PARN: variants seen among roughly 807,000 people sequenced by gnomAD.
PARN encodes the protein poly(A)-specific ribonuclease, also known as poly(A)-specific ribonuclease PARN.
In PARN, 71 loss-of-function variants were observed where a neutral mutation model predicts 102.8. The ratio of observed to expected loss-of-function variants is 0.69; its 90% CI spans 0.57 to 0.84. PARN has a LOEUF of 0.84. Ranked by LOEUF, PARN falls within the 40% of genes least tolerant of loss-of-function variation. The pLI is 0.00. For synonymous variants in PARN, 261 were observed against 252.9 expected, an observed-to-expected ratio of 1.03 and a Z score of -0.30; for missense variants, 782 against 760.9, an observed-to-expected ratio of 1.03 and a Z score of -0.33.
chr16:14,444,734 T>C (rs1437199903), intron 23 of PARN, among the ~76,000 whole-genome samples: 1 of 152,204 alleles, frequency 6.6e-6, no homozygotes, highest in East Asian at 1.9e-4. Flanking sequence ...TTAACATTTG[T>C]TGAGCACACG....
intron 11 of PARN, 65 bp from the exon 12 acceptor site, chr16:14,600,025 ACTACCCC>A: frequency 1.1e-6 from 1 of 903,140 alleles, no homozygotes; most frequent in Non-Finnish European, 1.6e-6. Flanking sequence ...GAATTAAAAA[ACTACCCC>A]AAAAAAAAGA....
chr16:14,481,434 A>G (rs1963374938), intron 22 of PARN, among the ~76,000 whole-genome samples: 1 of 152,232 alleles, frequency 6.6e-6, no homozygotes, highest in Non-Finnish European at 1.5e-5. Flanking sequence ...AGTGGTAAAA[A>G]TTTAAAAATG....
intron 21 of PARN, among the ~76,000 whole-genome samples, chr16:14,506,716 T>C (rs1346835738): frequency 6.6e-6 from 1 of 152,304 alleles, no homozygotes; most frequent in South Asian, 2.1e-4. Context: ...TGAAGCTGAA[T>C]GCAGTGGCAC....
chr16:14,464,366 T>C (rs1252697167), intron 22 of PARN, among the ~76,000 whole-genome samples: 1 of 152,020 alleles, frequency 6.6e-6, no homozygotes. Context: ...CGAGAAATAA[T>C]GCAAGTGAGA....
intron 18 of PARN, chr16:14,558,251 G>C (rs1343337868): frequency 9.2e-5 from 14 of 152,062 alleles, no homozygotes; most frequent in Admixed American, 3.3e-4. Flanking sequence ...TGGCCAACAC[G>C]GTGAAACCCT....
chr16:14,482,595 G>A lies in PARN; in HGVS notation c.1670+43C>T, dbSNP rs547045799. On this transcript the variant is annotated intron_variant, in intron 22 of 23. Transcript: ENST00000437198. ...ATGAGAAGCAACAAGAAAAGCCATTGCTAGAACTCTGGCCTTTTAAATTAA... is the reference window on the plus strand; with the variant it reads ...ATGAGAAGCAACAAGAAAAGCCATTACTAGAACTCTGGCCTTTTAAATTAA... 1.1e-4 allele frequency: 157 copies of A among 1,456,704 alleles called. 1 individual carries two copies. The highest frequency in any genetic ancestry group is 5.5e-5 in the Non-Finnish European group (59 of 1,071,916). The allele number at this position is 1,456,704 out of a possible 1,614,324, so 90.2% of individuals were successfully genotyped here. A position where few individuals can be genotyped will look rare whatever the true frequency, so the allele number is the denominator to read the frequency against.
intron 11 of PARN, 99 bp from the exon 12 acceptor site, chr16:14,600,059 CAA>C: frequency 1.6e-6 from 1 of 637,234 alleles, no homozygotes; most frequent in East Asian, 3.0e-5. Context: ...AATTTTGTAT[CAA>C]GTTAGATAGC....
At chr16:14,479,037 T>A (rs913997048) in intron 22 of PARN, among the ~76,000 whole-genome samples, 1 of 152,220 alleles carries the variant, frequency 6.6e-6, no homozygotes, top group Non-Finnish European at 1.5e-5. Context: ...CCTAAAGTGC[T>A]GGGATTATAG....
At chr16:14,588,561 T>A (rs572463405) in intron 13 of PARN, among the ~76,000 whole-genome samples, 1 of 152,304 alleles carries the variant, frequency 6.6e-6, no homozygotes, top group African/African-American at 2.4e-5. Context: ...TCCTCTTGCC[T>A]TGCTGATAAC....
chr16:14,629,459 CTG>C, intron 2 of PARN, 136 bp downstream of exon 2: 1 of 668,346 alleles, frequency 1.5e-6, no homozygotes, highest in East Asian at 2.6e-5. Context: ...AAGGGTAACA[CTG>C]AGACCTGTGA....
chr16:14,470,433 GGAT>G (rs150764987), intron 22 of PARN, among the ~76,000 whole-genome samples: 3 of 124,006 alleles, frequency 2.4e-5, no homozygotes, highest in Admixed American at 8.3e-5. Context: ...CTTAGAGTTT[GGAT>G]GATTATTATT....
intron 5 of PARN, among the ~76,000 whole-genome samples, chr16:14,624,098 A>C (rs1475655340): frequency 1.3e-5 from 2 of 152,138 alleles, no homozygotes; most frequent in African/African-American, 2.4e-5. Flanking sequence ...CATCTTGACA[A>C]GCATATGGGA....
rs909985142 is a variant in PARN at position 14,619,591 on chromosome 16, T to C, written c.328-1941A>G. ...AGCCTGAGTAACATAGGGAGACCCATCTCTACAAAAAATTTAAAAATTAGC... is the reference window on the plus strand; with the variant it reads ...AGCCTGAGTAACATAGGGAGACCCACCTCTACAAAAAATTTAAAAATTAGC... On this transcript the variant is annotated intron_variant, in intron 5 of 23. Transcript: ENST00000437198. Among the ~76,000 whole-genome samples the C allele has an allele frequency of 4.6e-5, 7 of 151,722 alleles. No individual in the cohort carries two copies. The East Asian group carries it at 5.8e-4, about 13-fold the overall frequency.
chr16:14,504,063 G>A (rs891086612), intron 21 of PARN, among the ~76,000 whole-genome samples: 4 of 152,182 alleles, frequency 2.6e-5, no homozygotes, highest in Admixed American at 2.6e-4. Context: ...ACGAGAAGGG[G>A]CTTAGAGAGG....
intron 22 of PARN, among the ~76,000 whole-genome samples, chr16:14,472,643 A>G (rs772945898): frequency 2.0e-5 from 3 of 152,252 alleles, no homozygotes; most frequent in Non-Finnish European, 4.4e-5. Context: ...TGCCAAAAGC[A>G]AATCAATGAT....
intron 21 of PARN, among the ~76,000 whole-genome samples, chr16:14,515,712 G>A (rs1055967421): frequency 6.6e-6 from 1 of 152,016 alleles, no homozygotes; most frequent in Non-Finnish European, 1.5e-5. Context: ...GAGGCAGGGG[G>A]ATTATTTGAG....
At chr16:14,615,268 C>G (rs1329032898) in intron 6 of PARN, among the ~76,000 whole-genome samples, 1 of 148,848 alleles carries the variant, frequency 6.7e-6, no homozygotes, top group East Asian at 2.0e-4. Flanking sequence ...AAGAAGGAGG[C>G]ACATTCCAAT....
At chr16:14,468,874 A>G (rs1378451761) in intron 22 of PARN, among the ~76,000 whole-genome samples, 1 of 130,490 alleles carries the variant, frequency 7.7e-6, no homozygotes, top group African/African-American at 3.0e-5. Flanking sequence ...AGATCCCATT[A>G]CTAAATAGAT....
At chr16:14,554,625 T>G (rs1321155128) in intron 19 of PARN, among the ~76,000 whole-genome samples, 3 of 151,826 alleles carry the variant, frequency 2.0e-5, no homozygotes, top group African/African-American at 2.4e-5. Context: ...TTTATTTTTG[T>G]AGAGATGGGG....
Sources: allele counts gnomAD v4.1 joint callset (sites outside exome capture counted in the v4.1 genomes callset), GRCh38; gene constraint gnomAD v4.1.1; transcripts MANE v1.5; gene names NCBI Gene and HGNC (gene_info 2026-07-23, HGNC 2026-07-21).